The following CADPS2 variants were observed in gnomAD, a reference collection of about 807,000 sequenced individuals.
CADPS2 encodes the protein calcium-dependent secretion activator 2.
CADPS2 carries 93 observed loss-of-function variants against 172.5 expected under a neutral mutation model. The ratio of observed to expected loss-of-function variants is 0.54; its 90% CI spans 0.46 to 0.64. The LOEUF (loss-of-function observed/expected upper bound fraction) is 0.64. CADPS2 is among the 30% of genes least tolerant of loss of function. The pLI is 0.00. For missense variants in CADPS2, 1,420 were observed against 1,565.9 expected (o/e 0.91, Z 1.57); for synonymous variants, 546 against 555.2 (o/e 0.98, Z 0.23).
intron 1 of CADPS2, among the ~76,000 whole-genome samples, chr7:122,819,957 A>T (rs898662460): frequency 1.3e-5 from 2 of 152,156 alleles, no homozygotes; most frequent in African/African-American, 4.8e-5. Flanking sequence ...TGTTATCACT[A>T]GCCTGCTACA....
At chr7:122,735,511 C>T (rs974423171) in intron 2 of CADPS2, among the ~76,000 whole-genome samples, 1 of 152,118 alleles carries the variant, frequency 6.6e-6, no homozygotes, top group African/African-American at 2.4e-5. Context: ...TTTTTTCAAT[C>T]TGTATTCTGT....
intron 2 of CADPS2, among the ~76,000 whole-genome samples, chr7:122,685,764 C>A (rs1303665943): frequency 6.6e-6 from 1 of 152,224 alleles, no homozygotes; most frequent in African/African-American, 2.4e-5. Context: ...ACCACTGTAT[C>A]TCCAGGGCAA....
chr7:122,849,298 T>G (rs918951334), intron 1 of CADPS2, among the ~76,000 whole-genome samples: 17 of 152,240 alleles, frequency 1.1e-4, no homozygotes, highest in African/African-American at 4.1e-4. Flanking sequence ...GGAAACTATT[T>G]TTTCACTTAT....
intron 2 of CADPS2, among the ~76,000 whole-genome samples, chr7:122,668,256 TG>T (rs936167868): frequency 1.1e-4 from 16 of 151,754 alleles, no homozygotes; most frequent in Non-Finnish European, 5.9e-5. Flanking sequence ...TTTTTTTTAC[TG>T]GGGTGTCTAG....
At chr7:122,471,270 T>C (rs2055897886) in intron 14 of CADPS2, 105 bp downstream of exon 14, 2 of 865,440 alleles carry the variant, frequency 2.3e-6, no homozygotes, top group Non-Finnish European at 3.3e-6. Context: ...TAAGAAGTGT[T>C]TGCTATTTAC....
chr7:122,535,704 ACT>A (rs779506421), intron 8 of CADPS2, among the ~76,000 whole-genome samples: 3 of 152,028 alleles, frequency 2.0e-5, no homozygotes, highest in Non-Finnish European at 4.4e-5. Context: ...TTTGATAATA[ACT>A]CATGCAAATA....
At chr7:122,428,207 A>G (rs947395362) in intron 17 of CADPS2, among the ~76,000 whole-genome samples, 15 of 152,304 alleles carry the variant, frequency 9.8e-5, no homozygotes, top group Admixed American at 7.8e-4. Context: ...TTTGCCTTTT[A>G]CATCCTGTTG....
intron 7 of CADPS2, among the ~76,000 whole-genome samples, chr7:122,574,864 C>T (rs1266834688): frequency 6.6e-6 from 1 of 151,950 alleles, no homozygotes; most frequent in Non-Finnish European, 1.5e-5. Context: ...TAGTAACACC[C>T]CACAGCTTAT....
At chr7:122,785,837 C>T (rs1793904514) in intron 1 of CADPS2, among the ~76,000 whole-genome samples, 2 of 152,246 alleles carry the variant, frequency 1.3e-5, no homozygotes, top group East Asian at 3.9e-4. Flanking sequence ...GGAAGCCCTC[C>T]CACCTCAAGC....
At chr7:122,652,705 G>A (rs1344415568) in intron 3 of CADPS2, among the ~76,000 whole-genome samples, 2 of 151,998 alleles carry the variant, frequency 1.3e-5, no homozygotes, top group Non-Finnish European at 2.9e-5. Context: ...TTTGTTCTAT[G>A]AATGCGCACC....
intron 1 of CADPS2, among the ~76,000 whole-genome samples, chr7:122,772,218 T>G (rs2093726973): frequency 6.6e-6 from 1 of 152,194 alleles, no homozygotes; most frequent in Non-Finnish European, 1.5e-5. Flanking sequence ...CACTAAATAT[T>G]TGAAAGATTA....
intron 3 of CADPS2, among the ~76,000 whole-genome samples, chr7:122,654,063 G>A (rs1433955374): frequency 3.3e-5 from 5 of 152,120 alleles, no homozygotes; most frequent in South Asian, 4.1e-4. Flanking sequence ...AAGAAGAGAC[G>A]GGTCAAATGC....
chr7:122,404,182 C>T (rs1005779811), intron 20 of CADPS2, among the ~76,000 whole-genome samples: 10 of 152,040 alleles, frequency 6.6e-5, no homozygotes, highest in South Asian at 2.1e-4. Flanking sequence ...GGGATGTTCC[C>T]CTTCCTGTGT....
At chr7:122,588,219 G>A (rs1479141220) in intron 6 of CADPS2, among the ~76,000 whole-genome samples, 4 of 152,022 alleles carry the variant, frequency 2.6e-5, no homozygotes, top group Non-Finnish European at 5.9e-5. Context: ...AGTTTAATTA[G>A]ATGCCATTTG....
chr7:122,835,406 C>T (rs190251567), intron 1 of CADPS2, among the ~76,000 whole-genome samples: 5 of 152,196 alleles, frequency 3.3e-5, no homozygotes, highest in African/African-American at 9.7e-5. Context: ...CGCAGCTCCT[C>T]GCCAGCAATG....
At chr7:122,619,907 T>C (rs750951497) in intron 5 of CADPS2, among the ~76,000 whole-genome samples, 1 of 152,204 alleles carries the variant, frequency 6.6e-6, no homozygotes, top group African/African-American at 2.4e-5. Context: ...GAATTGAATC[T>C]TGAGTCAGAA....
rs2075624656 is a variant in CADPS2 at position 122,621,737 on chromosome 7, A to G, written c.868-20T>C. On this transcript the variant is annotated intron_variant, in intron 4 of 29. Coordinates refer to ENST00000449022, the MANE Select transcript of CADPS2 (RefSeq NM_017954.11). ...TCTTTCCTTGAAAATAATTTTTAAA[A>G]TAATAGTGTTACATAAGTCATATTT... The G allele has an allele frequency of 7.4e-7, 1 of 1,355,564 alleles. No homozygotes were observed. Among genetic ancestry groups the G allele is most frequent in the African/African-American group, 1.5e-5 (1 of 68,096 alleles). 84.0% of individuals were successfully genotyped at this position (1,355,564 alleles called of 1,614,324 possible). A position where few individuals can be genotyped will look rare whatever the true frequency, so the allele number is the denominator to read the frequency against.
chr7:122,851,933 A>G (rs1274388115), intron 1 of CADPS2, among the ~76,000 whole-genome samples: 3 of 152,180 alleles, frequency 2.0e-5, no homozygotes, highest in Non-Finnish European at 4.4e-5. Flanking sequence ...AGCATCTTTC[A>G]TGCATCAATG....
At chr7:122,699,714 G>C (rs2136225731) in intron 2 of CADPS2, among the ~76,000 whole-genome samples, 1 of 152,268 alleles carries the variant, frequency 6.6e-6, no homozygotes. Context: ...AATGTAGTAA[G>C]ACTGACAGGA....
Sources: allele counts gnomAD v4.1 joint callset (sites outside exome capture counted in the v4.1 genomes callset), GRCh38; gene constraint gnomAD v4.1.1; transcripts MANE v1.5; gene names NCBI Gene and HGNC (gene_info 2026-07-23, HGNC 2026-07-21).